The following MMP16 variants were observed in gnomAD, a reference collection of about 807,000 sequenced individuals.
MMP16 encodes the protein matrix metalloproteinase-16.
In MMP16, 12 loss-of-function variants were observed where a neutral mutation model predicts 67.8. The ratio of observed to expected loss-of-function variants is 0.18; its 90% confidence interval spans 0.11 to 0.29. MMP16 has a LOEUF of 0.29. Among genes scored for constraint, MMP16 ranks in the 10% least tolerant of loss-of-function variants. The probability of loss-of-function intolerance (pLI) is 1.00; values close to 1 mark genes in which losing one functional copy is unlikely to be tolerated. For synonymous variants in MMP16, 249 were observed against 255.9 expected (o/e 0.97, Z 0.26); for missense variants, 475 against 765.7 (o/e 0.62, Z 4.48).
intron 4 of MMP16, among the ~76,000 whole-genome samples, chr8:88,123,900 C>T (rs1446320135): frequency 1.3e-5 from 2 of 151,898 alleles, no homozygotes; most frequent in African/African-American, 2.4e-5. Context: ...TCTCCCTGCC[C>T]ACCATCCCTG....
chr8:88,225,041 T>C (rs990403767), intron 1 of MMP16, among the ~76,000 whole-genome samples: 1 of 151,988 alleles, frequency 6.6e-6, no homozygotes, highest in African/African-American at 2.4e-5. Context: ...CTTCAAATCA[T>C]TTATGAACAA....
At chr8:88,142,128 T>G (rs921754830) in intron 4 of MMP16, among the ~76,000 whole-genome samples, 6 of 152,000 alleles carry the variant, frequency 3.9e-5, no homozygotes, top group Non-Finnish European at 7.4e-5. Flanking sequence ...CAGGCTGGTC[T>G]TGAACTCCTG....
intron 1 of MMP16, among the ~76,000 whole-genome samples, chr8:88,321,538 C>T (rs866587322): frequency 1.3e-5 from 2 of 152,212 alleles, no homozygotes; most frequent in African/African-American, 2.4e-5. Flanking sequence ...CAGAAGGCTA[C>T]GATGATTTCC....
chr8:88,041,402 C>G lies in MMP16; in HGVS notation c.*59G>C. 1 of 1,532,408 alleles carries G rather than the reference C, an allele frequency of 6.5e-7. No individual in the cohort carries two copies. Among genetic ancestry groups the G allele is most frequent in the Non-Finnish European group, 8.9e-7 (1 of 1,125,726 alleles). 94.9% of individuals were successfully genotyped at this position (1,532,408 alleles called of 1,614,324 possible). ...TAGGAAACAGCATAACAGCTCTTGTCTTGAATCTCAAGTTACCACAAACTC... is the reference window on the plus strand; with the variant it reads ...TAGGAAACAGCATAACAGCTCTTGTGTTGAATCTCAAGTTACCACAAACTC... On this transcript the variant is annotated 3_prime_UTR_variant, in exon 10 of 10. Coordinates refer to ENST00000286614, the MANE Select transcript of MMP16 (RefSeq NM_005941.5). The surrounding 1 kb of genome is among the most constrained non-coding windows in gnomAD (Gnocchi z 6.0).
At chr8:88,162,341 A>G (rs1808641083) in intron 4 of MMP16, among the ~76,000 whole-genome samples, 1 of 152,062 alleles carries the variant, frequency 6.6e-6, no homozygotes, top group Admixed American at 6.6e-5. Context: ...GAAAAAAGTC[A>G]TGTTTTTAAG....
intron 1 of MMP16, among the ~76,000 whole-genome samples, chr8:88,240,476 G>C (rs1347157874): frequency 1.3e-5 from 2 of 152,180 alleles, no homozygotes; most frequent in Admixed American, 6.5e-5. Flanking sequence ...GATGAAGGTA[G>C]AAAAGCAGGT....
intron 1 of MMP16, among the ~76,000 whole-genome samples, chr8:88,318,398 C>A (rs963383018): frequency 6.6e-6 from 1 of 152,138 alleles, no homozygotes; most frequent in Admixed American, 6.5e-5. Context: ...AATCAACAAT[C>A]CCTTATTCAG....
chr8:88,097,507 T>C (rs1809048995), intron 6 of MMP16, among the ~76,000 whole-genome samples: 1 of 150,690 alleles, frequency 6.6e-6, no homozygotes, highest in East Asian at 2.0e-4. Flanking sequence ...ATGCCTGTAG[T>C]CTTGGTTACT....
At chr8:88,106,013 CA>C (rs1489962094) in intron 6 of MMP16, among the ~76,000 whole-genome samples, 1 of 147,416 alleles carries the variant, frequency 6.8e-6, no homozygotes, top group African/African-American at 2.5e-5. Context: ...TATACACACA[CA>C]TGCATATATA....
Position 88,060,606 on chromosome 8 carries a change from TG to T in MMP16, c.1223-4329del, listed in dbSNP as rs1195665987. Among the ~76,000 whole-genome samples the T allele has an allele frequency of 2.6e-5, 4 of 152,258 alleles. No individual in the cohort carries two copies. The East Asian group carries it at 7.7e-4, about 29-fold the overall frequency. On this transcript the variant is annotated intron_variant, in intron 7 of 9. Coordinates refer to ENST00000286614, the MANE Select transcript of MMP16 (RefSeq NM_005941.5). ...AAAACTTAGCTTAGCACGATTTCTCTGAAAAGCATTTCCTATCTGAGTATGA... is the reference window on the plus strand; with the variant it reads ...AAAACTTAGCTTAGCACGATTTCTCTAAAAGCATTTCCTATCTGAGTATGA...
Position 88,111,242 on chromosome 8 carries a change from C to T in MMP16, c.1083+5265G>A, listed in dbSNP as rs933976845. Among the ~76,000 whole-genome samples, 3 of 151,596 alleles carry T rather than the reference C, an allele frequency of 2.0e-5. No homozygotes were observed. The Admixed American group carries it at 2.0e-4, about 10-fold the overall frequency. On this transcript the variant is annotated intron_variant, in intron 6 of 9. Transcript: ENST00000286614. ...TCCCACTATATGGGGTTACAAGATG[C>T]CAAAATATATATAATCCATAGTTAA... is the stretch of plus-strand genomic sequence containing the variant.
intron 3 of MMP16, 93 bp downstream of exon 3, chr8:88,186,383 T>C: frequency 2.7e-6 from 4 of 1,488,366 alleles, no homozygotes; most frequent in Non-Finnish European, 3.7e-6. Flanking sequence ...TATATTAACA[T>C]GTAGTCAACG....
intron 1 of MMP16, among the ~76,000 whole-genome samples, chr8:88,231,196 G>T (rs1421247463): frequency 1.3e-5 from 2 of 152,096 alleles, no homozygotes; most frequent in African/African-American, 4.8e-5. Context: ...AAAATAAAAT[G>T]GAATCAATAA....
At chr8:88,200,209 G>A (rs564354997) in intron 1 of MMP16, among the ~76,000 whole-genome samples, 1 of 152,030 alleles carries the variant, frequency 6.6e-6, no homozygotes, top group East Asian at 1.9e-4. Context: ...CAGAGTGCTT[G>A]AAAACTCCCC....
At chr8:88,156,778 G>C (rs926717114) in intron 4 of MMP16, among the ~76,000 whole-genome samples, 1 of 151,532 alleles carries the variant, frequency 6.6e-6, no homozygotes, top group Non-Finnish European at 1.5e-5. Flanking sequence ...ATTTCATTTT[G>C]TCTTGTTGAT....
At chr8:88,241,274 G>T (rs1444830004) in intron 1 of MMP16, among the ~76,000 whole-genome samples, 1 of 152,022 alleles carries the variant, frequency 6.6e-6, no homozygotes, top group South Asian at 2.1e-4. Flanking sequence ...AATTTCGGAA[G>T]TCTCTAGAAG....
chr8:88,145,853 T>G lies in MMP16; in HGVS notation c.709+21816A>C, dbSNP rs533534527. Among the ~76,000 whole-genome samples, 6 of 152,058 alleles carry G rather than the reference T, an allele frequency of 3.9e-5. No individual in the cohort carries two copies. The East Asian group carries it at 9.7e-4, about 25-fold the overall frequency. On this transcript the variant is annotated intron_variant, in intron 4 of 9. Coordinates refer to ENST00000286614, the MANE Select transcript of MMP16 (RefSeq NM_005941.5). ...TTAGAAAAGACTGAAGATATTTGGT[T>G]GTTGTAATTCAGAAATGCTACCAGT...
chr8:88,073,295 G>A (rs1298073493), intron 7 of MMP16, among the ~76,000 whole-genome samples: 4 of 152,198 alleles, frequency 2.6e-5, no homozygotes, highest in African/African-American at 7.2e-5. Flanking sequence ...TAGACAGCAG[G>A]AGGGCAAGAA....
intron 4 of MMP16, among the ~76,000 whole-genome samples, chr8:88,127,519 C>T (rs928203334): frequency 2.6e-5 from 4 of 151,582 alleles, no homozygotes; most frequent in Non-Finnish European, 4.4e-5. Flanking sequence ...GACCAACAAC[C>T]ATTATTACAT....
Sources: allele counts gnomAD v4.1 joint callset (sites outside exome capture counted in the v4.1 genomes callset), GRCh38; gene constraint gnomAD v4.1.1; non-coding constraint Gnocchi (gnomAD v3.1); transcripts MANE v1.5; gene names NCBI Gene and HGNC (gene_info 2026-07-23, HGNC 2026-07-21).